NSD1: variants seen among roughly 807,000 people sequenced by gnomAD.
NSD1 encodes the protein histone-lysine N-methyltransferase, H3 lysine-36 specific.
In NSD1, 26 loss-of-function variants were observed where a neutral mutation model predicts 242.7. The observed-to-expected ratio is 0.11, with a 90% CI of 0.08 to 0.15. The LOEUF (loss-of-function observed/expected upper bound fraction) is 0.15. NSD1 is among the 10% of genes least tolerant of loss of function. NSD1 has a pLI of 1.00. For missense variants in NSD1, 2,495 were observed against 3,272.8 expected, an observed-to-expected ratio of 0.76 and a Z score of 5.80; for synonymous variants, 1,106 against 1,178.1, an observed-to-expected ratio of 0.94 and a Z score of 1.25.
chr5:177,145,711 C>G (rs1037088718), intron 2 of NSD1, among the ~76,000 whole-genome samples: 1 of 151,898 alleles, frequency 6.6e-6, no homozygotes, highest in Non-Finnish European at 1.5e-5. Flanking sequence ...GAGTCCAAGA[C>G]CAGCCTGACC....
chr5:177,178,695 C>G (rs1159143735), intron 2 of NSD1, among the ~76,000 whole-genome samples: 2 of 152,164 alleles, frequency 1.3e-5, no homozygotes, highest in Non-Finnish European at 2.9e-5. Context: ...TCCTCGACCT[C>G]CTCGGCTTAA....
At chr5:177,292,294 T>C (rs1759902730) in intron 22 of NSD1, 136 bp downstream of exon 22, 3 of 860,220 alleles carry the variant, frequency 3.5e-6, no homozygotes, top group Non-Finnish European at 5.7e-6. Context: ...GTCTATTTTC[T>C]TATTTTGGAA....
At chr5:177,221,498 G>A (rs1285212374) in intron 5 of NSD1, among the ~76,000 whole-genome samples, 1 of 151,742 alleles carries the variant, frequency 6.6e-6, no homozygotes, top group African/African-American at 2.4e-5. Flanking sequence ...TCAAGGCGGA[G>A]TCTTGCTCTG....
In NSD1 at chr5:177,273,752, G is replaced by A. The variant is rs781306516; in HGVS notation, c.5590G>A (p.Asp1864Asn). The part of the protein sequence containing the change: ...LRQLQEDRKN[D>N]KKPPPYKHIK... ...ACAGCTGCAGGAAGACCGAAAGAATGACAAGAAGCCACCACCTTATAAACA... is the reference window on the plus strand; with the variant it reads ...ACAGCTGCAGGAAGACCGAAAGAATAACAAGAAGCCACCACCTTATAAACA... Residue 1864 changes from aspartate (D) to asparagine (N), a missense_variant, in exon 17 of 23, where the codon GAC (aspartate) becomes AAC (asparagine). Coordinates refer to ENST00000439151, the MANE Select transcript of NSD1 (RefSeq NM_022455.5). The A allele has an allele frequency of 6.2e-7, 1 of 1,613,616 alleles. No homozygotes were observed. The highest frequency in any genetic ancestry group is 8.5e-7 in the Non-Finnish European group (1 of 1,179,696).
At chr5:177,252,192 C>T (rs747159881) in intron 12 of NSD1, among the ~76,000 whole-genome samples, 2 of 151,964 alleles carry the variant, frequency 1.3e-5, no homozygotes, top group Non-Finnish European at 2.9e-5. Flanking sequence ...GTAATGAAAG[C>T]GTGTAAAACA....
chr5:177,270,235 A>T (rs1393421522), intron 16 of NSD1, among the ~76,000 whole-genome samples: 1 of 152,208 alleles, frequency 6.6e-6, no homozygotes, highest in Non-Finnish European at 1.5e-5. Flanking sequence ...TGTAGAACAA[A>T]CTAGTAAAGG....
chr5:177,168,909 G>A (rs890187475), intron 2 of NSD1, among the ~76,000 whole-genome samples: 3 of 152,202 alleles, frequency 2.0e-5, no homozygotes, highest in Non-Finnish European at 4.4e-5. Flanking sequence ...GTTGCAGAGA[G>A]GTCAGGTCAA....
intron 4 of NSD1, 127 bp downstream of exon 4, chr5:177,204,419 T>C: frequency 1.1e-6 from 1 of 871,438 alleles, no homozygotes; most frequent in South Asian, 1.4e-5. Flanking sequence ...AGTGGTGCAA[T>C]CTTTGTTCAC....
In NSD1 at chr5:177,294,854, G is replaced by A; in HGVS notation, c.7486G>A (p.Gly2496Ser). Residue 2496 changes from glycine (G) to serine (S), a missense_variant, in exon 23 of 23, where the codon GGT (glycine) becomes AGT (serine). Transcript: ENST00000439151. ...LESSSWPASK[G>S]LGHMPRAVEK... ...GTCAAGTTCATGGCCTGCCAGCAAA[G>A]GTCTGGGGCATATGCCGAGAGCTGT... 1 of 1,612,982 alleles carries A rather than the reference G, an allele frequency of 6.2e-7. No homozygotes were observed. Among genetic ancestry groups the A allele is most frequent in the South Asian group, 1.1e-5 (1 of 91,086 alleles).
Position 177,194,654 on chromosome 5 carries a change from G to T in NSD1, c.1063+2635G>T, listed in dbSNP as rs577273369. Among the ~76,000 whole-genome samples, 7 of 105,808 alleles carry T rather than the reference G, an allele frequency of 6.6e-5. No individual in the cohort carries two copies. The South Asian group carries it at 1.7e-3, about 26-fold the overall frequency. 69.4% of individuals were successfully genotyped at this position (105,808 alleles called of 152,430 possible). A position where few individuals can be genotyped will look rare whatever the true frequency, so the allele number is the denominator to read the frequency against. ...ATTCCTGGATTTGATTTTATATTTTGAATAATGAGGTGCCCAAAAACCTTT... is the reference window on the plus strand; with the variant it reads ...ATTCCTGGATTTGATTTTATATTTTTAATAATGAGGTGCCCAAAAACCTTT... On this transcript the variant is annotated intron_variant, in intron 3 of 22. Transcript: ENST00000439151.
At chr5:177,164,821 T>TA in intron 2 of NSD1, among the ~76,000 whole-genome samples, 1 of 151,782 alleles carries the variant, frequency 6.6e-6, no homozygotes, top group African/African-American at 2.4e-5. Flanking sequence ...CAGGTGCCTG[T>TA]AATCCCAGCT....
At chr5:177,180,762 A>T (rs1760592526) in intron 2 of NSD1, among the ~76,000 whole-genome samples, 2 of 151,858 alleles carry the variant, frequency 1.3e-5, no homozygotes, top group Non-Finnish European at 2.9e-5. Context: ...AGCTCACTGC[A>T]TCCTCCGCCT....
chr5:177,199,613 T>TCTTTTCTTTTCTTTTCTTTTCTTTTC lies in NSD1; in HGVS notation c.1064-4507_1064-4506insCTTTTCTTTTCTTTTCTTTTCTTTTC, dbSNP rs776032109. On this transcript the variant is annotated intron_variant, in intron 3 of 22. Transcript: ENST00000439151. ...TCTTTTCTTTTCTTTTCTTTTCTTTTTTTTTGAGATGGAGTCTCTCTCTGT... is the reference window on the plus strand; with the variant it reads ...TCTTTTCTTTTCTTTTCTTTTCTTTTCTTTTCTTTTCTTTTCTTTTCTTTTCTTTTTGAGATGGAGTCTCTCTCTGT... 4.4e-4 allele frequency among the ~76,000 whole-genome samples: 66 copies of TCTTTTCTTTTCTTTTCTTTTCTTTTC among 151,520 alleles called. 1 individual carries two copies. The highest frequency in any genetic ancestry group is 1.2e-3 in the African/African-American group (48 of 41,050).
chr5:177,273,620 A>G lies in NSD1; in HGVS notation c.5510-52A>G, dbSNP rs1225863568. On this transcript the variant is annotated intron_variant, in intron 16 of 22. Coordinates refer to ENST00000439151, the MANE Select transcript of NSD1 (RefSeq NM_022455.5). Reference sequence around the variant, plus strand: ...AAAAGTAAAAAATAAGTGAATAAATAAGTAATTCCACCCAGAGATTTTGAA... The same window carrying G: ...AAAAGTAAAAAATAAGTGAATAAATGAGTAATTCCACCCAGAGATTTTGAA... 9.7e-5 allele frequency: 129 copies of G among 1,336,678 alleles called. 1 individual carries two copies. In the East Asian group the frequency reaches 2.9e-3, roughly 30 times the overall value. 82.8% of individuals were successfully genotyped at this position (1,336,678 alleles called of 1,614,324 possible).
chr5:177,256,370 C>T (rs1756464203), intron 12 of NSD1, among the ~76,000 whole-genome samples: 1 of 147,680 alleles, frequency 6.8e-6, no homozygotes, highest in Non-Finnish European at 1.5e-5. Flanking sequence ...TAAACCTCCA[C>T]CTTCCAGGCT....
chr5:177,144,729 T>C (rs1757094013), intron 2 of NSD1, among the ~76,000 whole-genome samples: 1 of 152,178 alleles, frequency 6.6e-6, no homozygotes, highest in Admixed American at 6.6e-5. Flanking sequence ...TGAATCTAAT[T>C]TAAATAATCT....
At chr5:177,200,317 C>T (rs1349435636) in intron 3 of NSD1, among the ~76,000 whole-genome samples, 1 of 151,976 alleles carries the variant, frequency 6.6e-6, no homozygotes, top group Non-Finnish European at 1.5e-5. Context: ...CCATGTTGGC[C>T]AGGCCGTTCT....
At position 177,135,813 on chromosome 5, in the gene NSD1, A is replaced by T. The variant is rs1222189049; in HGVS notation, c.710A>T (p.Lys237Ile). 8 of 1,608,524 alleles carry T rather than the reference A, an allele frequency of 5.0e-6. No homozygotes were observed. Among genetic ancestry groups the T allele is most frequent in the Non-Finnish European group, 6.8e-6 (8 of 1,176,020 alleles). ...LPLAPQTETQ[K>I]NKQRNEVDGS... is the part of the protein sequence containing the mutation. ...TTAGCTCCTCAGACTGAAACACAGAAAAATAAGCAAAGAAATGAAGTGGAC... is the reference window on the plus strand; with the variant it reads ...TTAGCTCCTCAGACTGAAACACAGATAAATAAGCAAAGAAATGAAGTGGAC... Residue 237 changes from lysine (K) to isoleucine (I), a missense_variant, in exon 2 of 23, where the codon AAA (lysine) becomes ATA (isoleucine). This residue lies in a region of NSD1 where 376 missense variants were observed against 367.4 expected (regional missense o/e 1.02). Coordinates refer to ENST00000439151, the MANE Select transcript of NSD1 (RefSeq NM_022455.5).
Position 177,257,210 on chromosome 5 carries a change from A to C in NSD1, c.4966+59A>C, listed in dbSNP as rs1338247887. On this transcript the variant is annotated intron_variant, in intron 13 of 22. Transcript: ENST00000439151. ...AAAACCTCAGTTTAATTGGCAACAGATATTTTCTTTTTTCTTTCTTTTTTT... is the reference window on the plus strand; with the variant it reads ...AAAACCTCAGTTTAATTGGCAACAGCTATTTTCTTTTTTCTTTCTTTTTTT... The C allele has an allele frequency of 4.5e-6, 5 of 1,118,162 alleles. No individual in the cohort carries two copies. In the Admixed American group the frequency reaches 8.9e-5, roughly 20 times the overall value. 69.3% of individuals were successfully genotyped at this position (1,118,162 alleles called of 1,614,324 possible).
Sources: allele counts gnomAD v4.1 joint callset (sites outside exome capture counted in the v4.1 genomes callset), GRCh38; gene constraint gnomAD v4.1.1; regional missense constraint gnomAD v4.1.1; transcripts MANE v1.5; gene names NCBI Gene and HGNC (gene_info 2026-07-23, HGNC 2026-07-21).